NELL1: variants seen among roughly 807,000 people sequenced by gnomAD.
NELL1 encodes neural EGFL like 1, also known as protein kinase C-binding protein NELL1.
In NELL1, 76 loss-of-function variants were observed where a neutral mutation model predicts 107.4. The ratio of observed to expected loss-of-function variants is 0.71; its 90% CI spans 0.59 to 0.86. The LOEUF (loss-of-function observed/expected upper bound fraction) is 0.86, where lower values mean the gene tolerates loss of function less well. Among genes scored for constraint, NELL1 ranks in the 40% least tolerant of loss-of-function variants. The pLI, the probability that NELL1 is intolerant of heterozygous loss-of-function variation, is 0.00. For synonymous variants in NELL1, 353 were observed against 341.2 expected, an observed-to-expected ratio of 1.03 and a Z score of -0.38; for missense variants, 1,024 against 1,005.5, an observed-to-expected ratio of 1.02 and a Z score of -0.25.
chr11:21,043,468 G>A (rs779997708), intron 12 of NELL1, among the ~76,000 whole-genome samples: 1 of 152,124 alleles, frequency 6.6e-6, no homozygotes, highest in Non-Finnish European at 1.5e-5. Flanking sequence ...GTCATGATGT[G>A]CCTCCACCAT....
At chr11:20,703,389 C>G (rs560706618) in intron 2 of NELL1, among the ~76,000 whole-genome samples, 2 of 152,056 alleles carry the variant, frequency 1.3e-5, no homozygotes, top group Non-Finnish European at 2.9e-5. Flanking sequence ...ATTCTTCTCT[C>G]TTTTCTTCTT....
At chr11:21,264,709 ACTC>A (rs1474495741) in intron 14 of NELL1, among the ~76,000 whole-genome samples, 1 of 151,312 alleles carries the variant, frequency 6.6e-6, no homozygotes, top group African/African-American at 2.4e-5. Context: ...TTTGGGGAAA[ACTC>A]AGTGTATGGT....
intron 12 of NELL1, among the ~76,000 whole-genome samples, chr11:21,047,256 A>G (rs956710081): frequency 1.2e-4 from 18 of 152,102 alleles, no homozygotes; most frequent in African/African-American, 3.4e-4. Flanking sequence ...TTCAGTTGCT[A>G]TATATGTTTG....
At chr11:21,005,043 A>G (rs1198926336) in intron 12 of NELL1, among the ~76,000 whole-genome samples, 1 of 152,184 alleles carries the variant, frequency 6.6e-6, no homozygotes, top group African/African-American at 2.4e-5. Context: ...AGAATGTACT[A>G]AATTTAATTT....
intron 11 of NELL1, among the ~76,000 whole-genome samples, chr11:20,954,671 G>A (rs773939747): frequency 6.6e-6 from 1 of 152,156 alleles, no homozygotes; most frequent in Non-Finnish European, 1.5e-5. Flanking sequence ...AAGTGGGCAT[G>A]GAATGAATAT....
chr11:20,927,318 C>T lies in NELL1; in HGVS notation c.770C>T (p.Ala257Val). The change falls in exon 8 of 20, where the codon GCA becomes GTA. Residue 257 changes from alanine to valine, a missense_variant. Transcript: ENST00000357134. ...LAKMTAKLNY[A>V]ETRLSQLENC... ...AACTCTTGTTTGCAGCTAAATTATG[C>T]AGAGACAAGACTTAGTCAATTGGAA... is the stretch of plus-strand genomic sequence containing the variant. The T allele has an allele frequency of 6.2e-7, 1 of 1,607,944 alleles. No individual in the cohort carries two copies.
chr11:21,159,247 T>A (rs751226298), intron 13 of NELL1, among the ~76,000 whole-genome samples: 1 of 152,170 alleles, frequency 6.6e-6, no homozygotes, highest in African/African-American at 2.4e-5. Flanking sequence ...GTTGACCAGA[T>A]TCTGTGAAGC....
In NELL1 at chr11:21,364,745, G is replaced by T. The variant is rs561701650; in HGVS notation, c.1550-6108G>T. Among the ~76,000 whole-genome samples the T allele has an allele frequency of 2.0e-5, 3 of 152,274 alleles. No individual in the cohort carries two copies. In the East Asian group the frequency reaches 5.8e-4, roughly 29 times the overall value. On this transcript the variant is annotated intron_variant, in intron 14 of 19. Transcript: ENST00000357134. ...AACTCAAATAATAGACAGGGCAAAAGTCTGTATGCAGATATGTAGGTGGTA... is the reference window on the plus strand; with the variant it reads ...AACTCAAATAATAGACAGGGCAAAATTCTGTATGCAGATATGTAGGTGGTA...
chr11:21,100,243 C>A (rs1854771341), intron 12 of NELL1, among the ~76,000 whole-genome samples: 1 of 152,136 alleles, frequency 6.6e-6, no homozygotes, highest in South Asian at 2.1e-4. Context: ...GTGTCTAAAT[C>A]CTGAGCTCAG....
intron 14 of NELL1, among the ~76,000 whole-genome samples, chr11:21,255,871 T>A (rs1459037954): frequency 6.6e-6 from 1 of 152,060 alleles, no homozygotes; most frequent in Admixed American, 6.6e-5. Context: ...TTGTACTTGC[T>A]GGTATTTCTG....
At chr11:20,742,385 G>A (rs919645852) in intron 2 of NELL1, among the ~76,000 whole-genome samples, 6 of 152,068 alleles carry the variant, frequency 3.9e-5, no homozygotes, top group African/African-American at 7.2e-5. Context: ...GCCTTTCCTC[G>A]AGACTCAGGG....
At chr11:21,551,856 T>G (rs1294810109) in intron 16 of NELL1, among the ~76,000 whole-genome samples, 6 of 150,752 alleles carry the variant, frequency 4.0e-5, no homozygotes, top group African/African-American at 1.5e-4. Context: ...ATTGCGGCAC[T>G]ATTCACAATA....
At chr11:21,047,714 C>T (rs1283869658) in intron 12 of NELL1, among the ~76,000 whole-genome samples, 1 of 151,970 alleles carries the variant, frequency 6.6e-6, no homozygotes, top group Non-Finnish European at 1.5e-5. Context: ...ATAAAATGGG[C>T]CAGGAAATGT....
intron 14 of NELL1, among the ~76,000 whole-genome samples, chr11:21,279,827 C>T (rs892455821): frequency 6.6e-6 from 1 of 152,076 alleles, no homozygotes; most frequent in African/African-American, 2.4e-5. Flanking sequence ...AAATGTCTTC[C>T]AGGAGTTGAA....
intron 12 of NELL1, among the ~76,000 whole-genome samples, chr11:21,014,473 CAG>C (rs1212617764): frequency 6.6e-6 from 1 of 152,108 alleles, no homozygotes; most frequent in African/African-American, 2.4e-5. Flanking sequence ...TGGCATTCCT[CAG>C]AGAGTCTGAA....
At chr11:20,753,212 C>G (rs796321186) in intron 2 of NELL1, among the ~76,000 whole-genome samples, 1 of 152,292 alleles carries the variant, frequency 6.6e-6, no homozygotes, top group African/African-American at 2.4e-5. Context: ...TTAGAAAAAT[C>G]AAGGAGAGTG....
chr11:21,115,737 A>T (rs1414653527), intron 13 of NELL1, among the ~76,000 whole-genome samples: 1 of 151,916 alleles, frequency 6.6e-6, no homozygotes, highest in Non-Finnish European at 1.5e-5. Flanking sequence ...TGCATTTAGG[A>T]TGTGGGGACC....
intron 12 of NELL1, among the ~76,000 whole-genome samples, chr11:21,032,540 C>A (rs567820658): frequency 1.3e-5 from 2 of 151,910 alleles, no homozygotes; most frequent in African/African-American, 2.4e-5. Flanking sequence ...AGGTGCCTGG[C>A]ACCATGCCTG....
chr11:20,889,343 A>G (rs1237492349), intron 5 of NELL1, among the ~76,000 whole-genome samples: 1 of 152,240 alleles, frequency 6.6e-6, no homozygotes, highest in East Asian at 1.9e-4. Context: ...AGTGTTTTCC[A>G]AGTTTTGAGA....
Sources: allele counts gnomAD v4.1 joint callset (sites outside exome capture counted in the v4.1 genomes callset), GRCh38; gene constraint gnomAD v4.1.1; transcripts MANE v1.5; gene names NCBI Gene and HGNC (gene_info 2026-07-23, HGNC 2026-07-21).